KIF5C: variants seen among roughly 807,000 people sequenced by gnomAD.
KIF5C encodes kinesin family member 5C, also known as kinesin heavy chain isoform 5C.
KIF5C carries 18 observed loss-of-function variants against 125.2 expected under a neutral mutation model. The observed-to-expected ratio is 0.14, with a 90% CI of 0.10 to 0.21. KIF5C has a LOEUF of 0.21. Ranked by LOEUF, KIF5C falls within the 10% of genes least tolerant of loss-of-function variation. The pLI is 1.00. For missense variants in KIF5C, 780 were observed against 1,183.8 expected, an observed-to-expected ratio of 0.66 and a Z score of 5.01; for synonymous variants, 405 against 434.0, an observed-to-expected ratio of 0.93 and a Z score of 0.83.
intron 4 of KIF5C, among the ~76,000 whole-genome samples, chr2:148,939,709 A>G (rs1204604739): frequency 1.3e-5 from 2 of 152,230 alleles, no homozygotes; most frequent in Non-Finnish European, 2.9e-5. Context: ...GTTGCTGACT[A>G]CTTTGTATTC....
chr2:148,901,193 T>C (rs772670357), intron 1 of KIF5C, among the ~76,000 whole-genome samples: 1 of 152,106 alleles, frequency 6.6e-6, no homozygotes, highest in Non-Finnish European at 1.5e-5. Context: ...AATAAAGCAA[T>C]ATGAGAAAGC....
At chr2:148,925,519 T>G (rs1681955894) in intron 2 of KIF5C, among the ~76,000 whole-genome samples, 1 of 152,222 alleles carries the variant, frequency 6.6e-6, no homozygotes, top group Admixed American at 6.5e-5. Context: ...TTTTCCTCAT[T>G]GTACAGAAGA....
chr2:148,988,692 A>G (rs1304810128), intron 15 of KIF5C, among the ~76,000 whole-genome samples: 1 of 152,214 alleles, frequency 6.6e-6, no homozygotes, highest in Non-Finnish European at 1.5e-5. Flanking sequence ...CCTACACTGG[A>G]CTAAAGACAG....
intron 25 of KIF5C, among the ~76,000 whole-genome samples, chr2:149,017,912 A>G (rs1316260127): frequency 1.3e-5 from 2 of 152,224 alleles, no homozygotes; most frequent in African/African-American, 4.8e-5. Flanking sequence ...TAATGAAAGA[A>G]GGGCTTTTTC....
intron 11 of KIF5C, among the ~76,000 whole-genome samples, chr2:148,965,269 G>T (rs939224492): frequency 1.3e-5 from 2 of 152,040 alleles, no homozygotes; most frequent in African/African-American, 4.8e-5. Flanking sequence ...TCTTTTGGTA[G>T]TAATTGAAGG....
intron 11 of KIF5C, among the ~76,000 whole-genome samples, chr2:148,966,339 T>C (rs1445019404): frequency 6.6e-6 from 1 of 150,376 alleles, no homozygotes; most frequent in Non-Finnish European, 1.5e-5. Context: ...TGTAGCAAAG[T>C]GTGTGTGTGT....
chr2:148,930,203 C>G (rs533421316), intron 3 of KIF5C, among the ~76,000 whole-genome samples: 1 of 152,190 alleles, frequency 6.6e-6, no homozygotes, highest in African/African-American at 2.4e-5. Context: ...CATACCTGCT[C>G]CCTGAAGGCA....
chr2:148,981,379 T>C lies in KIF5C; in HGVS notation c.1387T>C (p.Tyr463His). 6.2e-7 allele frequency: 1 copy of C among 1,611,116 alleles called. No homozygotes were observed. The highest frequency in any genetic ancestry group is 1.1e-5 in the South Asian group (1 of 90,018). Residue 463 changes from tyrosine to histidine, a missense_variant, in exon 14 of 26, where the codon TAT becomes CAT. By Grantham distance (83) the Tyr-to-His change is moderately conservative. Transcript: ENST00000435030. ...DELLASTRRDYEKIQEELTRL... is the reference protein window; with the variant it reads ...DELLASTRRDHEKIQEELTRL... ...GCTTTTAGCTTCCACAAGAAGAGACTATGAGAAGATACAGGAGGAGCTGAC... is the reference window on the plus strand; with the variant it reads ...GCTTTTAGCTTCCACAAGAAGAGACCATGAGAAGATACAGGAGGAGCTGAC...
At chr2:148,976,736 A>T (rs1447648097) in intron 12 of KIF5C, among the ~76,000 whole-genome samples, 1 of 148,498 alleles carries the variant, frequency 6.7e-6, no homozygotes, top group Non-Finnish European at 1.5e-5. Flanking sequence ...CACCACACTC[A>T]GCTAATTTTT....
chr2:148,973,300 C>T, intron 11 of KIF5C, 36 bp from the exon 12 acceptor site: 7 of 1,583,038 alleles, frequency 4.4e-6, no homozygotes, highest in Non-Finnish European at 6.0e-6. Context: ...TACTCAATTT[C>T]TTTAATCCCC....
rs1276315459 is a variant in KIF5C at position 148,922,166 on chromosome 2, G to A, written c.156G>A (p.Val52=). The A allele has an allele frequency of 6.2e-7, 1 of 1,612,756 alleles. No individual in the cohort carries two copies. The highest frequency in any genetic ancestry group is 8.5e-7 in the Non-Finnish European group (1 of 1,179,390). Residue 52 remains valine (V), a synonymous_variant, in exon 2 of 26, where the codon GTG becomes GTA. Transcript: ENST00000435030. ...GGAAGCCATATGTCTTCGACAGAGT[G>A]CTACCTCCCAACACGACCCAAGAGC... is the stretch of plus-strand genomic sequence containing the variant. ...GQGKPYVFDR[V]LPPNTTQEQV...
chr2:148,990,915 T>C, intron 15 of KIF5C, 95 bp from the exon 16 acceptor site: 3 of 1,464,190 alleles, frequency 2.0e-6, no homozygotes, highest in East Asian at 2.5e-5. Flanking sequence ...CAGAAATCCA[T>C]GGACACCTTG....
rs765932449 is a variant in KIF5C at position 148,983,751 on chromosome 2, C to G, written c.1701C>G (p.Thr567=). ...DLGEIGGIIG[T]NDVKTLADVN... is the part of the protein sequence containing the mutation. Reference sequence around the variant, plus strand: ...GGGAGATAGGTGGAATTATTGGCACCAATGATGTGAAAACTGTAAGCCAGC... The same window carrying G: ...GGGAGATAGGTGGAATTATTGGCACGAATGATGTGAAAACTGTAAGCCAGC... The change falls in exon 15 of 26, where the codon ACC becomes ACG. Residue 567 remains threonine (T), a synonymous_variant. Transcript: ENST00000435030. 2.6e-5 allele frequency: 41 copies of G among 1,607,330 alleles called. No individual in the cohort carries two copies. Among genetic ancestry groups the G allele is most frequent in the Middle Eastern group, 3.3e-4 (2 of 6,040 alleles).
intron 3 of KIF5C, among the ~76,000 whole-genome samples, chr2:148,931,585 C>T (rs1682186755): frequency 6.6e-6 from 1 of 152,194 alleles, no homozygotes; most frequent in Non-Finnish European, 1.5e-5. Flanking sequence ...ATTGTTTGAA[C>T]TGTGGAGGCG....
At chr2:148,979,567 C>A (rs1681175698) in intron 13 of KIF5C, among the ~76,000 whole-genome samples, 1 of 152,202 alleles carries the variant, frequency 6.6e-6, no homozygotes, top group African/African-American at 2.4e-5. Flanking sequence ...GCCACTGCAC[C>A]TGGCCTTGGG....
rs1052806650 is a variant in KIF5C at position 148,933,235 on chromosome 2, A to T, written c.291+3881A>T. Reference sequence around the variant, plus strand: ...GTGTCCCTCAAGCAAGCCATCCCATATTACCCATTTTATTACTGGAAATCT... The same window carrying T: ...GTGTCCCTCAAGCAAGCCATCCCATTTTACCCATTTTATTACTGGAAATCT... On this transcript the variant is annotated intron_variant, in intron 3 of 25. Transcript: ENST00000435030. Among the ~76,000 whole-genome samples the T allele has an allele frequency of 1.3e-3, 202 of 152,058 alleles. 1 individual carries two copies. In the Middle Eastern group the frequency reaches 0.024, roughly 18 times the overall value.
chr2:148,895,391 G>C (rs1411469747), intron 1 of KIF5C, among the ~76,000 whole-genome samples: 1 of 152,132 alleles, frequency 6.6e-6, no homozygotes. Flanking sequence ...ACCTGCCTCA[G>C]CCTCCCAAAG....
rs1049790504 is a variant in KIF5C, at chr2:148,876,885, CT to C, written c.126+1144del. ...GCCTGCTCCAGGCTGCTGATGCAGCCTTCCCGTCCCCAGCATTGATTAAGTG... is the reference window on the plus strand; with the variant it reads ...GCCTGCTCCAGGCTGCTGATGCAGCCTCCCGTCCCCAGCATTGATTAAGTG... On this transcript the variant is annotated intron_variant, in intron 1 of 25. Coordinates refer to ENST00000435030, the MANE Select transcript of KIF5C (RefSeq NM_004522.3). The surrounding 1 kb of genome is among the most constrained non-coding windows in gnomAD (Gnocchi z 4.7). Among the ~76,000 whole-genome samples the C allele has an allele frequency of 9.2e-5, 14 of 152,332 alleles. No homozygotes were observed. The highest frequency in any genetic ancestry group is 3.4e-4 in the African/African-American group (14 of 41,584).
intron 23 of KIF5C, among the ~76,000 whole-genome samples, chr2:149,009,243 A>G (rs1204544420): frequency 6.6e-6 from 1 of 151,602 alleles, no homozygotes; most frequent in Non-Finnish European, 1.5e-5. Flanking sequence ...GCCCACCTTG[A>G]CCTCCCAAAG....
Sources: gnomAD v4.1 joint callset for allele counts (sites outside exome capture counted in the v4.1 genomes callset) on GRCh38, gnomAD v4.1.1 for gene constraint, Gnocchi (gnomAD v3.1) non-coding constraint, MANE v1.5 for transcripts, NCBI Gene and HGNC (gene_info 2026-07-23, HGNC 2026-07-21) for gene names.